The following CPD variants were observed in gnomAD, a reference collection of about 807,000 sequenced individuals.
CPD encodes the protein metallocarboxypeptidase D.
In CPD, 69 loss-of-function variants were observed where a neutral mutation model predicts 138.3. That is an observed-to-expected ratio of 0.50 (90% CI 0.41 to 0.61). The LOEUF is 0.61. Ranked by LOEUF, CPD falls within the 20% of genes least tolerant of loss-of-function variation. CPD has a pLI of 0.00. For synonymous variants in CPD, 651 were observed against 642.1 expected (o/e 1.01, Z -0.21); for missense variants, 1,432 against 1,733.3 (o/e 0.83, Z 3.09).
In CPD at chr17:30,469,650, A is replaced by T. The variant is rs532582160; in HGVS notation, c.*4836A>T. The T allele has an allele frequency of 4.6e-5, 7 of 152,168 alleles. No homozygotes were observed. Among genetic ancestry groups the T allele is most frequent in the Non-Finnish European group, 7.4e-5 (5 of 68,024 alleles). 9.4% of individuals were successfully genotyped at this position (152,168 alleles called of 1,614,324 possible). On this transcript the variant is annotated 3_prime_UTR_variant, in exon 21 of 21. Transcript: ENST00000225719. The stretch of plus-strand genomic sequence containing the variant: ...TTCTGAGACACAAATAAAAAAAGAA[A>T]TTTTTTATTATGTGGTTCAATAGAT...
intron 13 of CPD, chr17:30,450,233 AT>A (rs1913132295): frequency 6.6e-6 from 1 of 151,672 alleles, no homozygotes; most frequent in Admixed American, 6.6e-5. Context: ...ATTTTTTTAT[AT>A]TTTTGGTAGA....
At chr17:30,443,041 G>A (rs1017618864) in intron 10 of CPD, among the ~76,000 whole-genome samples, 4 of 151,774 alleles carry the variant, frequency 2.6e-5, no homozygotes, top group Non-Finnish European at 4.4e-5. Flanking sequence ...ATTTTATTCT[G>A]AAAAATTTTA....
At chr17:30,389,398 A>G (rs1911287453) in intron 2 of CPD, among the ~76,000 whole-genome samples, 1 of 152,210 alleles carries the variant, frequency 6.6e-6, no homozygotes, top group African/African-American at 2.4e-5. Flanking sequence ...TTTGTAGATA[A>G]TGGACTTACT....
chr17:30,426,257 A>G (rs912221667), intron 6 of CPD, among the ~76,000 whole-genome samples: 23 of 151,912 alleles, frequency 1.5e-4, no homozygotes, highest in Admixed American at 1.5e-3. Flanking sequence ...CCTGCTGCAC[A>G]GGCAAAACAG....
At chr17:30,401,672 G>C (rs1206253399) in intron 2 of CPD, among the ~76,000 whole-genome samples, 1 of 152,014 alleles carries the variant, frequency 6.6e-6, no homozygotes, top group Non-Finnish European at 1.5e-5. Context: ...TTTTTGTAGA[G>C]ACAGGTTTTC....
intron 11 of CPD, among the ~76,000 whole-genome samples, chr17:30,445,212 C>G (rs1045048340): frequency 2.6e-5 from 4 of 152,142 alleles, no homozygotes; most frequent in Admixed American, 1.3e-4. Context: ...GGTCTGTAAT[C>G]CCAGCACTTT....
At chr17:30,438,159 G>A (rs1912756671) in intron 8 of CPD, among the ~76,000 whole-genome samples, 1 of 151,666 alleles carries the variant, frequency 6.6e-6, no homozygotes, top group Non-Finnish European at 1.5e-5. Flanking sequence ...TATTTTAAAT[G>A]GTTAATTCTC....
In CPD at chr17:30,461,743, G is replaced by C. The variant is rs1913480295; in HGVS notation, c.3631-134G>C. On this transcript the variant is annotated intron_variant, in intron 18 of 20. Coordinates refer to ENST00000225719, the MANE Select transcript of CPD (RefSeq NM_001304.5). ...GGGAAGAGAAGAAGCAGGCCATACAGAGTTTGATACTTGTTTGTGTGTGGT... is the reference window on the plus strand; with the variant it reads ...GGGAAGAGAAGAAGCAGGCCATACACAGTTTGATACTTGTTTGTGTGTGGT... The C allele has an allele frequency of 1.3e-5, 9 of 670,592 alleles. No homozygotes were observed. The South Asian group carries it at 2.1e-4, about 16-fold the overall frequency. The allele number at this position is 670,592 out of a possible 1,614,324, so 41.5% of individuals were successfully genotyped here. A position where few individuals can be genotyped will look rare whatever the true frequency, so the allele number is the denominator to read the frequency against.
chr17:30,442,366 A>G lies in CPD; in HGVS notation c.2289A>G (p.Leu763=). Residue 763 remains leucine (L), a synonymous_variant, in exon 10 of 21, where the codon CTA becomes CTG. Transcript: ENST00000225719. ...ATTGCTTTGAAGTGACTATTGAACT[A>G]GGTTGTGTGAAATATCCACTTGAGA... The part of the protein sequence containing the change: ...QTNCFEVTIE[L]GCVKYPLEKE... 6.2e-7 allele frequency: 1 copy of G among 1,613,334 alleles called. No individual in the cohort carries two copies. The highest frequency in any genetic ancestry group is 8.5e-7 in the Non-Finnish European group (1 of 1,179,418).
chr17:30,379,136 G>A lies in CPD; in HGVS notation c.156G>A (p.Glu52=), dbSNP rs537993569. The change falls in exon 1 of 21, where the codon GAG becomes GAA. Residue 52 remains glutamate (E), a synonymous_variant. Transcript: ENST00000225719. The surrounding 1 kb of genome is among the most constrained non-coding windows in gnomAD (Gnocchi z 7.0). ...TTTSAGAEAA[E]GQFDRYYHEE... The stretch of plus-strand genomic sequence containing the variant: ...CGAGCGCGGGCGCCGAGGCGGCCGA[G>A]GGCCAGTTCGACCGCTACTACCACG... The A allele has an allele frequency of 9.0e-5, 138 of 1,538,502 alleles. 1 individual carries two copies. The African/African-American group carries it at 1.6e-3, about 18-fold the overall frequency.
chr17:30,448,836 C>T (rs111601326), intron 12 of CPD, among the ~76,000 whole-genome samples: 1,865 of 151,730 alleles, frequency 0.012, 37 homozygotes, highest in African/African-American at 0.042. Context: ...AGGGTGGTGG[C>T]GCATGCTGTA....
intron 2 of CPD, among the ~76,000 whole-genome samples, chr17:30,390,055 G>C (rs1439651607): frequency 2.0e-5 from 3 of 149,380 alleles, no homozygotes; most frequent in African/African-American, 7.4e-5. Context: ...GTCTTGCTGT[G>C]TTGCCCAGGC....
rs78040813 is a variant in CPD, at chr17:30,468,734, G to A, written c.*3920G>A. The A allele has an allele frequency of 0.012, 1,806 of 152,420 alleles. 73 individuals carry two copies. The East Asian group carries it at 0.16, about 13-fold the overall frequency. 9.4% of individuals were successfully genotyped at this position (152,420 alleles called of 1,614,324 possible). On this transcript the variant is annotated 3_prime_UTR_variant, in exon 21 of 21. Transcript: ENST00000225719. ...AATCTTTTTTCAGATGCAATATGCC[G>A]GAAAAAGTTATAGGTCCAGTTTGAA...
intron 2 of CPD, among the ~76,000 whole-genome samples, chr17:30,416,590 C>T (rs1315564083): frequency 9.2e-5 from 14 of 152,170 alleles, no homozygotes; most frequent in Admixed American, 8.5e-4. Flanking sequence ...GCCATTCTTC[C>T]TTTGTCTGTT....
In CPD at chr17:30,379,713, A is replaced by G. The variant is rs764560445; in HGVS notation, c.733A>G (p.Ile245Val). The G allele has an allele frequency of 1.9e-5, 28 of 1,496,468 alleles. No homozygotes were observed. The South Asian group carries it at 3.6e-4, about 20-fold the overall frequency. The allele number at this position is 1,496,468 out of a possible 1,614,324, so 92.7% of individuals were successfully genotyped here. ...CGAGGTGCGCGCCCTCATCGAGTGG[A>G]TCCGCAGGAACAAGTGAGTGTTGCC... ...VPEVRALIEW[I>V]RRNKFVLSGN... The change falls in exon 1 of 21, where the codon ATC becomes GTC. Residue 245 changes from isoleucine to valine, a missense_variant. Transcript: ENST00000225719. The surrounding 1 kb of genome is among the most constrained non-coding windows in gnomAD (Gnocchi z 7.0).
intron 6 of CPD, among the ~76,000 whole-genome samples, chr17:30,424,970 G>T (rs1376844314): frequency 6.6e-6 from 1 of 152,084 alleles, no homozygotes; most frequent in African/African-American, 2.4e-5. Flanking sequence ...GAACAAATAG[G>T]CACAAGATCT....
In CPD at chr17:30,379,777, G is replaced by C; in HGVS notation, c.746+51G>C. The C allele has an allele frequency of 2.3e-6, 3 of 1,298,166 alleles. No individual in the cohort carries two copies. Among genetic ancestry groups the C allele is most frequent in the Non-Finnish European group, 3.0e-6 (3 of 997,766 alleles). 80.4% of individuals were successfully genotyped at this position (1,298,166 alleles called of 1,614,324 possible). ...TCCGTGTGAGCCTCCAAGGGCCGAG[G>C]CTGGTTCCGGCACCCAGTAGGCGCT... On this transcript the variant is annotated intron_variant, in intron 1 of 20. Transcript: ENST00000225719. The surrounding 1 kb of genome is among the most constrained non-coding windows in gnomAD (Gnocchi z 7.0).
intron 6 of CPD, among the ~76,000 whole-genome samples, chr17:30,424,612 AGTCAGT>A (rs1436362917): frequency 1.3e-5 from 2 of 152,238 alleles, no homozygotes; most frequent in Admixed American, 1.3e-4. Context: ...TATCTGTCTG[AGTCAGT>A]GACTCTGTTT....
intron 13 of CPD, chr17:30,450,207 C>T (rs1913131221): frequency 6.7e-6 from 1 of 148,490 alleles, no homozygotes; most frequent in East Asian, 1.9e-4. Flanking sequence ...CAGATGCCCA[C>T]CACCATGCCC....
Sources: allele counts gnomAD v4.1 joint callset (sites outside exome capture counted in the v4.1 genomes callset), GRCh38; gene constraint gnomAD v4.1.1; non-coding constraint Gnocchi (gnomAD v3.1); transcripts MANE v1.5; gene names NCBI Gene and HGNC (gene_info 2026-07-23, HGNC 2026-07-21).